DYRK1A: variants seen among roughly 807,000 people sequenced by gnomAD.
DYRK1A encodes dual specificity tyrosine-phosphorylation-regulated kinase 1A.
A neutral mutation model predicts 79.7 loss-of-function variants in DYRK1A; 9 were observed. That is an observed-to-expected ratio of 0.11 (90% CI 0.07 to 0.20). The LOEUF is 0.20. Among genes scored for constraint, DYRK1A ranks in the 10% least tolerant of loss-of-function variants. The probability of loss-of-function intolerance (pLI) is 1.00; values close to 1 mark genes in which losing one functional copy is unlikely to be tolerated. For missense variants in DYRK1A, 622 were observed against 956.0 expected (o/e 0.65, Z 4.61); for synonymous variants, 349 against 329.7 (o/e 1.06, Z -0.63).
intron 2 of DYRK1A, among the ~76,000 whole-genome samples, chr21:37,469,702 G>A (rs116838063): frequency 4.6e-5 from 7 of 151,972 alleles, no homozygotes; most frequent in Non-Finnish European, 1.0e-4. Context: ...GCCTTTTTTC[G>A]TGAGAACTCT....
chr21:37,440,358 A>C (rs2051065526), intron 2 of DYRK1A, among the ~76,000 whole-genome samples: 1 of 151,722 alleles, frequency 6.6e-6, no homozygotes, highest in South Asian at 2.1e-4. Flanking sequence ...GCTGGTCTCG[A>C]ACTCCTGACC....
rs530724412 is a variant in DYRK1A at position 37,518,045 on chromosome 21, A to T, written c.*5514A>T. On this transcript the variant is annotated 3_prime_UTR_variant, in exon 12 of 12. Transcript: ENST00000647188. ...GTAGCTGGGACTACCTGTGCACACCACCATGCCTGGCTGTTTTTAATACGG... is the reference window on the plus strand; with the variant it reads ...GTAGCTGGGACTACCTGTGCACACCTCCATGCCTGGCTGTTTTTAATACGG... 6.6e-6 allele frequency: 1 copy of T among 152,282 alleles called. No individual in the cohort carries two copies. The highest frequency in any genetic ancestry group is 2.4e-5 in the African/African-American group (1 of 41,528). 9.4% of individuals were successfully genotyped at this position (152,282 alleles called of 1,614,324 possible).
At position 37,439,367 on chromosome 21, in the gene DYRK1A, TGAA is replaced by T. The variant is rs2051021564; in HGVS notation, c.10+18984_10+18986del. The stretch of plus-strand genomic sequence containing the variant: ...AGACTACAATGTTGAATAGAAGTAG[TGAA>T]AGAGGACATTCTGTTTTGTTCTTTA... On this transcript the variant is annotated intron_variant, in intron 2 of 11. Coordinates refer to ENST00000647188, the MANE Select transcript of DYRK1A (RefSeq NM_001347721.2). Among the ~76,000 whole-genome samples, 5 of 152,334 alleles carry T rather than the reference TGAA, an allele frequency of 3.3e-5. No homozygotes were observed. In the South Asian group the frequency reaches 1.0e-3, roughly 32 times the overall value.
chr21:37,485,347 G>GGT (rs1414754633), intron 5 of DYRK1A, among the ~76,000 whole-genome samples: 1 of 152,054 alleles, frequency 6.6e-6, no homozygotes, highest in Non-Finnish European at 1.5e-5. Context: ...TGTTTACAAG[G>GGT]GTAGCCTCTG....
At chr21:37,395,415 G>A (rs1047437033) in intron 1 of DYRK1A, among the ~76,000 whole-genome samples, 1 of 152,054 alleles carries the variant, frequency 6.6e-6, no homozygotes, top group Non-Finnish European at 1.5e-5. Context: ...CTGTGCTCCC[G>A]CTCCTCACCT....
chr21:37,435,969 CTG>C (rs1461427342), intron 2 of DYRK1A, among the ~76,000 whole-genome samples: 1 of 151,424 alleles, frequency 6.6e-6, no homozygotes, highest in African/African-American at 2.4e-5. Context: ...TTTATTGGTA[CTG>C]TCAGATGGTA....
At chr21:37,428,201 T>C (rs1299371877) in intron 2 of DYRK1A, among the ~76,000 whole-genome samples, 1 of 152,222 alleles carries the variant, frequency 6.6e-6, no homozygotes, top group Non-Finnish European at 1.5e-5. Flanking sequence ...CTGTTACTTA[T>C]TGCTGGTACA....
At chr21:37,380,663 A>G (rs2148369441) in intron 1 of DYRK1A, among the ~76,000 whole-genome samples, 1 of 152,278 alleles carries the variant, frequency 6.6e-6, no homozygotes, top group Non-Finnish European at 1.5e-5. Flanking sequence ...AGGAAAGTTC[A>G]CTTGAGTGAG....
chr21:37,520,927 C>T lies in DYRK1A; in HGVS notation c.*8396C>T, dbSNP rs1165248527. 6.6e-6 allele frequency: 1 copy of T among 152,290 alleles called. No homozygotes were observed. Among genetic ancestry groups the T allele is most frequent in the Non-Finnish European group, 1.5e-5 (1 of 68,096 alleles). The allele number at this position is 152,290 out of a possible 1,614,324, so 9.4% of individuals were successfully genotyped here. Reference sequence around the variant, plus strand: ...GTGGTGGTTTGCTCTTCACAGAGCGCTTACATGGGATTCTTACCTTCTGAC... The same window carrying T: ...GTGGTGGTTTGCTCTTCACAGAGCGTTTACATGGGATTCTTACCTTCTGAC... On this transcript the variant is annotated 3_prime_UTR_variant, in exon 12 of 12. Transcript: ENST00000647188.
At chr21:37,469,535 T>TC (rs1225043907) in intron 2 of DYRK1A, among the ~76,000 whole-genome samples, 1 of 152,174 alleles carries the variant, frequency 6.6e-6, no homozygotes, top group Non-Finnish European at 1.5e-5. Flanking sequence ...TTTAGTTGGC[T>TC]CATGGTTCTT....
chr21:37,420,824 TA>T (rs1315236780), intron 2 of DYRK1A, among the ~76,000 whole-genome samples: 1 of 152,122 alleles, frequency 6.6e-6, no homozygotes, highest in African/African-American at 2.4e-5. Flanking sequence ...CTTAAAAAGA[TA>T]TGCTCTGGGA....
At position 37,402,628 on chromosome 21, in the gene DYRK1A, C is replaced by T. The variant is rs576691361; in HGVS notation, c.-76-17671C>T. Among the ~76,000 whole-genome samples, 10 of 151,414 alleles carry T rather than the reference C, an allele frequency of 6.6e-5. No individual in the cohort carries two copies. In the South Asian group the frequency reaches 1.3e-3, roughly 19 times the overall value. On this transcript the variant is annotated intron_variant, in intron 1 of 11. Transcript: ENST00000647188. ...CTATGGTTTCTTCAGATATTTATCC[C>T]TTTTTTTTTCTGTGACTTTATTTAC...
At chr21:37,447,357 C>T (rs554096327) in intron 2 of DYRK1A, among the ~76,000 whole-genome samples, 1 of 152,118 alleles carries the variant, frequency 6.6e-6, no homozygotes, top group East Asian at 1.9e-4. Context: ...CATATATATA[C>T]ACATTTTTAT....
At chr21:37,410,345 T>A (rs1226041854) in intron 1 of DYRK1A, among the ~76,000 whole-genome samples, 1 of 152,194 alleles carries the variant, frequency 6.6e-6, no homozygotes, top group East Asian at 1.9e-4. Flanking sequence ...AGTGTGAACT[T>A]AAGTTGGTAT....
In DYRK1A at chr21:37,512,222, AACG is replaced by A; in HGVS notation, c.1959_1961del (p.Thr654del). 1 of 1,614,176 alleles carries A rather than the reference AACG, an allele frequency of 6.2e-7. No homozygotes were observed. On this transcript the variant is annotated inframe_deletion, in exon 12 of 12. Coordinates refer to ENST00000647188, the MANE Select transcript of DYRK1A (RefSeq NM_001347721.2). ...ACTCCATGACATCCCTGTCTTCCTCAACGACTTCTTCCTCGACATCTTCCTCCT... is the reference window on the plus strand; with the variant it reads ...ACTCCATGACATCCCTGTCTTCCTCAACTTCTTCCTCGACATCTTCCTCCT...
intron 1 of DYRK1A, among the ~76,000 whole-genome samples, chr21:37,400,585 C>T (rs183219598): frequency 1.3e-5 from 2 of 152,242 alleles, no homozygotes; most frequent in Admixed American, 6.5e-5. Flanking sequence ...AAAATTTTAC[C>T]ACCTAATCTG....
chr21:37,453,263 T>C (rs537221479), intron 2 of DYRK1A, among the ~76,000 whole-genome samples: 60 of 152,380 alleles, frequency 3.9e-4, no homozygotes, highest in African/African-American at 1.4e-3. Context: ...TCTTGTTTTT[T>C]CCATTTATAG....
chr21:37,471,753 G>T (rs985075612), intron 2 of DYRK1A, among the ~76,000 whole-genome samples: 1 of 152,114 alleles, frequency 6.6e-6, no homozygotes, highest in Non-Finnish European at 1.5e-5. Flanking sequence ...GGTAGAAGTC[G>T]GAAGTATTTT....
At chr21:37,469,791 G>T (rs568143490) in intron 2 of DYRK1A, among the ~76,000 whole-genome samples, 2 of 152,110 alleles carry the variant, frequency 1.3e-5, no homozygotes, top group Non-Finnish European at 2.9e-5. Context: ...TCCTACCGGG[G>T]CCCTCCTCCA....
Sources: gnomAD v4.1 joint callset for allele counts (sites outside exome capture counted in the v4.1 genomes callset) on GRCh38, gnomAD v4.1.1 for gene constraint, MANE v1.5 for transcripts, NCBI Gene and HGNC (gene_info 2026-07-23, HGNC 2026-07-21) for gene names.